The following R3HCC1L variants were observed in gnomAD, a reference collection of about 807,000 sequenced individuals.
R3HCC1L encodes coiled-coil domain-containing protein R3HCC1L.
In R3HCC1L, 51 loss-of-function variants were observed where a neutral mutation model predicts 59.9. That is an observed-to-expected ratio of 0.85 (90% confidence interval 0.68 to 1.07). The LOEUF (loss-of-function observed/expected upper bound fraction) is 1.07. Ranked by LOEUF, R3HCC1L falls within the 50% of genes least tolerant of loss-of-function variation. R3HCC1L has a pLI of 0.00. For missense variants in R3HCC1L, 965 were observed against 933.0 expected, an observed-to-expected ratio of 1.03 and a Z score of -0.45; for synonymous variants, 322 against 315.2, an observed-to-expected ratio of 1.02 and a Z score of -0.23.
chr10:98,180,267 C>T (rs1405400010), intron 4 of R3HCC1L, among the ~76,000 whole-genome samples: 1 of 152,096 alleles, frequency 6.6e-6, no homozygotes, highest in East Asian at 1.9e-4. Context: ...TTTTTGTTCC[C>T]ATTGGTTTCA....
At position 98,243,265 on chromosome 10, in the gene R3HCC1L, A is replaced by G. The variant is rs140996654; in HGVS notation, c.2270-826A>G. On this transcript the variant is annotated intron_variant, in intron 9 of 9. Coordinates refer to ENST00000298999, the MANE Select transcript of R3HCC1L (RefSeq NM_001351015.2). ...CAGGCATTATCAATTTGGAACAGTA[A>G]GAAGGAAGCATTTAGGCTTACCATC... is the stretch of plus-strand genomic sequence containing the variant. Among the ~76,000 whole-genome samples the G allele has an allele frequency of 4.1e-4, 62 of 152,346 alleles. No individual in the cohort carries two copies. In the East Asian group the frequency reaches 0.011, roughly 27 times the overall value.
intron 1 of R3HCC1L, among the ~76,000 whole-genome samples, chr10:98,154,789 A>G (rs915024957): frequency 3.9e-5 from 6 of 152,194 alleles, no homozygotes; most frequent in Admixed American, 2.0e-4. Context: ...TTCTTGATAG[A>G]GTTTTTATAA....
At chr10:98,243,494 T>G (rs1857763743) in intron 9 of R3HCC1L, among the ~76,000 whole-genome samples, 1 of 152,250 alleles carries the variant, frequency 6.6e-6, no homozygotes, top group African/African-American at 2.4e-5. Context: ...TTTGTATATT[T>G]TTTGTTTTTA....
chr10:98,142,969 A>C (rs1845305820), intron 1 of R3HCC1L, among the ~76,000 whole-genome samples: 1 of 105,960 alleles, frequency 9.4e-6, no homozygotes, highest in Admixed American at 9.0e-5. Flanking sequence ...AAAACAAAAC[A>C]AAAAAAAAAC....
At chr10:98,214,084 A>C (rs563480720) in intron 5 of R3HCC1L, among the ~76,000 whole-genome samples, 1 of 152,314 alleles carries the variant, frequency 6.6e-6, no homozygotes, top group Admixed American at 6.5e-5. Flanking sequence ...GTGACTCCTA[A>C]AATTAAAAAT....
chr10:98,236,032 C>T lies in R3HCC1L; in HGVS notation c.2137C>T (p.Gln713Ter). Residue 713 changes from glutamine to a stop codon, truncating the protein, a stop_gained, in exon 9 of 10, where the codon CAG (glutamine) becomes TAG (stop). Transcript: ENST00000298999. LOFTEE classifies it high-confidence loss of function. ...TCCTTTCTTCGATTCAGAGTTCCTC[C>T]AGCCAGCAAAGGAGCGTCCTGAGAC... Reference protein sequence around the residue: ...AKARAYAEFLQPAKERPETSA... With the variant: ...AKARAYAEFL 4 of 1,613,398 alleles carry T rather than the reference C, an allele frequency of 2.5e-6. No individual in the cohort carries two copies. Among genetic ancestry groups the T allele is most frequent in the East Asian group, 2.2e-5 (1 of 44,880 alleles).
chr10:98,149,076 T>G (rs529541539), intron 1 of R3HCC1L, among the ~76,000 whole-genome samples: 1 of 152,310 alleles, frequency 6.6e-6, no homozygotes, highest in South Asian at 2.1e-4. Context: ...TTTCTGTTTC[T>G]TCATGGTTCA....
chr10:98,202,276 G>T (rs1055261983), intron 4 of R3HCC1L, among the ~76,000 whole-genome samples: 2 of 152,122 alleles, frequency 1.3e-5, no homozygotes, highest in African/African-American at 4.8e-5. Context: ...TTTTGATGAG[G>T]AAGCAGAAAA....
In R3HCC1L at chr10:98,197,436, A is replaced by G. The variant is rs149146019; in HGVS notation, c.-14-10665A>G. Among the ~76,000 whole-genome samples, 47 of 152,112 alleles carry G rather than the reference A, an allele frequency of 3.1e-4. No homozygotes were observed. The East Asian group carries it at 8.7e-3, about 28-fold the overall frequency. The stretch of plus-strand genomic sequence containing the variant: ...CACTTTACAACATGGTCTTCCTTGT[A>G]TTTTCATCTCTGCTCCATTTTACTC... On this transcript the variant is annotated intron_variant, in intron 4 of 9. Transcript: ENST00000298999.
intron 4 of R3HCC1L, among the ~76,000 whole-genome samples, chr10:98,205,909 A>T (rs941805619): frequency 1.3e-5 from 2 of 152,166 alleles, no homozygotes; most frequent in African/African-American, 4.8e-5. Context: ...CTAGAGACAG[A>T]GCTCATTTCC....
intron 4 of R3HCC1L, among the ~76,000 whole-genome samples, chr10:98,169,242 A>C (rs992047621): frequency 2.6e-5 from 4 of 152,204 alleles, no homozygotes; most frequent in Non-Finnish European, 1.5e-5. Context: ...TTATGAAACT[A>C]ATGCATCATT....
At chr10:98,164,990 C>T (rs757062207) in intron 4 of R3HCC1L, among the ~76,000 whole-genome samples, 1 of 152,164 alleles carries the variant, frequency 6.6e-6, no homozygotes, top group East Asian at 1.9e-4. Context: ...CTGGGCATGG[C>T]AGCTCACCCC....
At chr10:98,201,664 C>CTG (rs1251443434) in intron 4 of R3HCC1L, among the ~76,000 whole-genome samples, 1 of 152,150 alleles carries the variant, frequency 6.6e-6, no homozygotes, top group Non-Finnish European at 1.5e-5. Context: ...AAACTTAATT[C>CTG]TGTATTTTCT....
At chr10:98,198,325 T>C (rs4919184) in intron 4 of R3HCC1L, among the ~76,000 whole-genome samples, 145,597 of 152,148 alleles carry the variant, frequency 0.96, 69,971 homozygotes, top group East Asian at 1. Flanking sequence ...ACTAAATTTG[T>C]CTGTAAGGTA....
chr10:98,135,654 G>A (rs1454359456), intron 1 of R3HCC1L, among the ~76,000 whole-genome samples: 7 of 152,212 alleles, frequency 4.6e-5, no homozygotes, highest in African/African-American at 1.7e-4. Context: ...CAGGTTCCTA[G>A]TGAAGAGGTG....
At chr10:98,155,350 T>C (rs1846738706) in intron 1 of R3HCC1L, among the ~76,000 whole-genome samples, 1 of 152,220 alleles carries the variant, frequency 6.6e-6, no homozygotes, top group Admixed American at 6.5e-5. Flanking sequence ...CAATTGGTAA[T>C]TATTTGCTTA....
chr10:98,176,067 T>A (rs1009250216), intron 4 of R3HCC1L, among the ~76,000 whole-genome samples: 1 of 152,154 alleles, frequency 6.6e-6, no homozygotes, highest in Non-Finnish European at 1.5e-5. Context: ...ATACATTTCT[T>A]GAAAATCAGT....
At chr10:98,175,868 C>G (rs1193693390) in intron 4 of R3HCC1L, among the ~76,000 whole-genome samples, 2 of 152,058 alleles carry the variant, frequency 1.3e-5, no homozygotes, top group Non-Finnish European at 2.9e-5. Context: ...AACCAAAAAT[C>G]ACAAAGATTT....
At chr10:98,136,157 C>T (rs1844566467) in intron 1 of R3HCC1L, among the ~76,000 whole-genome samples, 1 of 151,794 alleles carries the variant, frequency 6.6e-6, no homozygotes, top group Non-Finnish European at 1.5e-5. Flanking sequence ...CCACTGTGCC[C>T]GACCTCTGCG....
Sources: gnomAD v4.1 joint callset for allele counts (sites outside exome capture counted in the v4.1 genomes callset) on GRCh38, gnomAD v4.1.1 for gene constraint, MANE v1.5 for transcripts, NCBI Gene and HGNC (gene_info 2026-07-23, HGNC 2026-07-21) for gene names.